C12orf42: variants seen among roughly 807,000 people sequenced by gnomAD.
C12orf42 encodes uncharacterized protein C12orf42.
In C12orf42, 25 loss-of-function variants were observed where a neutral mutation model predicts 21.6. The observed-to-expected ratio is 1.16, with a 90% confidence interval of 0.84 to 1.62. The LOEUF (loss-of-function observed/expected upper bound fraction) is 1.62, where lower values mean the gene tolerates loss of function less well. Ranked by LOEUF, C12orf42 falls within the 40% of genes most tolerant of loss-of-function variation. The pLI is 0.00. For synonymous variants in C12orf42, 174 were observed against 175.0 expected (o/e 0.99, Z 0.05); for missense variants, 483 against 459.3 (o/e 1.05, Z -0.47).
the C12orf42 span, among the ~76,000 whole-genome samples, chr12:103,083,914 T>C: frequency 2.0e-5 from 3 of 152,210 alleles, no homozygotes; most frequent in South Asian, 6.2e-4. Flanking sequence ...ATGAAAAAAC[T>C]GTATCTCCAT....
the C12orf42 span, among the ~76,000 whole-genome samples, chr12:103,060,319 T>C: frequency 2.0e-5 from 3 of 151,972 alleles, no homozygotes; most frequent in African/African-American, 7.3e-5. Flanking sequence ...CTCAAGGAAA[T>C]AAGAGAGGAC....
At chr12:103,050,746 A>T in the C12orf42 span, among the ~76,000 whole-genome samples, 31 of 152,018 alleles carry the variant, frequency 2.0e-4, no homozygotes, top group Admixed American at 1.8e-3. Flanking sequence ...TATGGCAGGG[A>T]TATATATTTT....
At chr12:103,111,850 G>A in the C12orf42 span, among the ~76,000 whole-genome samples, 2 of 152,172 alleles carry the variant, frequency 1.3e-5, no homozygotes, top group Non-Finnish European at 2.9e-5. Context: ...AAAGGAACAT[G>A]AAGAATCAGT....
chr12:103,212,933 G>A, the C12orf42 span, among the ~76,000 whole-genome samples: 14 of 151,062 alleles, frequency 9.3e-5, no homozygotes, highest in South Asian at 2.1e-4. Context: ...ATACACACAC[G>A]CACTACATAT....
chr12:103,328,170 TC>T (rs1712773234), intron 4 of C12orf42, among the ~76,000 whole-genome samples: 1 of 152,134 alleles, frequency 6.6e-6, no homozygotes, highest in South Asian at 2.1e-4. Context: ...AAAATATCCC[TC>T]CTTTTCAATA....
the C12orf42 span, among the ~76,000 whole-genome samples, chr12:103,185,989 T>C: frequency 6.6e-6 from 1 of 152,184 alleles, no homozygotes; most frequent in Non-Finnish European, 1.5e-5. Flanking sequence ...AACCTTCTAT[T>C]TGGCCATCCT....
At chr12:103,215,644 C>T in the C12orf42 span, among the ~76,000 whole-genome samples, 1 of 152,170 alleles carries the variant, frequency 6.6e-6, no homozygotes, top group East Asian at 1.9e-4. Context: ...TGTATAAAGG[C>T]TGGGATTTCA....
the C12orf42 span, among the ~76,000 whole-genome samples, chr12:103,109,583 CATAATATAATTTAT>C: frequency 2.0e-5 from 3 of 148,926 alleles, no homozygotes; most frequent in Non-Finnish European, 4.5e-5. Flanking sequence ...ATTATAATTA[CATAATATAATTTAT>C]ATAATATAAT....
At chr12:103,486,674 C>T (rs1309762405) in intron 1 of C12orf42, among the ~76,000 whole-genome samples, 6 of 152,114 alleles carry the variant, frequency 3.9e-5, no homozygotes, top group African/African-American at 2.4e-5. Flanking sequence ...CAACTTCTTC[C>T]TGGTTTAGTC....
the C12orf42 span, among the ~76,000 whole-genome samples, chr12:103,529,137 T>C: frequency 6.6e-6 from 1 of 152,196 alleles, no homozygotes; most frequent in African/African-American, 2.4e-5. Context: ...TGCCTGAGCA[T>C]GACTTAAAAA....
At chr12:103,107,258 T>G in the C12orf42 span, among the ~76,000 whole-genome samples, 1 of 151,822 alleles carries the variant, frequency 6.6e-6, no homozygotes, top group Non-Finnish European at 1.5e-5. Context: ...CAAAACAAAA[T>G]AAAAACGATT....
chr12:103,471,557 T>C (rs1212368250), intron 2 of C12orf42, among the ~76,000 whole-genome samples: 1 of 152,216 alleles, frequency 6.6e-6, no homozygotes, highest in Non-Finnish European at 1.5e-5. Context: ...ATTAACATAT[T>C]TTGCTGAAGA....
At chr12:103,307,401 TA>T (rs1266221062) in intron 4 of C12orf42, among the ~76,000 whole-genome samples, 1 of 152,204 alleles carries the variant, frequency 6.6e-6, no homozygotes, top group Non-Finnish European at 1.5e-5. Context: ...CAGCAGTTGA[TA>T]TGGGTTTCTT....
chr12:103,492,667 C>A (rs1955256098), intron 1 of C12orf42, among the ~76,000 whole-genome samples: 1 of 152,160 alleles, frequency 6.6e-6, no homozygotes. Flanking sequence ...GAAAATCTTA[C>A]CAGCCCAGCT....
intron 3 of C12orf42, among the ~76,000 whole-genome samples, chr12:103,387,859 G>T (rs567785991): frequency 3.9e-5 from 6 of 152,138 alleles, no homozygotes; most frequent in Non-Finnish European, 1.5e-5. Flanking sequence ...GTCCTGAGAC[G>T]TCCCTCTCAC....
At chr12:103,111,740 G>A in the C12orf42 span, among the ~76,000 whole-genome samples, 1 of 152,246 alleles carries the variant, frequency 6.6e-6, no homozygotes, top group East Asian at 1.9e-4. Flanking sequence ...CCCTTCAGAA[G>A]CACATTTTCA....
chr12:103,287,482 A>G (rs1468744320), intron 4 of C12orf42, among the ~76,000 whole-genome samples: 1 of 151,866 alleles, frequency 6.6e-6, no homozygotes, highest in Admixed American at 6.6e-5. Context: ...GCATGTTCTC[A>G]CTCATAGGTG....
At chr12:103,267,250 T>G (rs2035214310), downstream of C12orf42, among the ~76,000 whole-genome samples, 1 of 152,072 alleles carries the variant, frequency 6.6e-6, no homozygotes, top group African/African-American at 2.4e-5. Context: ...AATTGAGGGA[T>G]CAGCAGCAAT....
At chr12:103,366,570 G>A (rs1252069371) in intron 4 of C12orf42, among the ~76,000 whole-genome samples, 1 of 151,806 alleles carries the variant, frequency 6.6e-6, no homozygotes, top group Non-Finnish European at 1.5e-5. Flanking sequence ...ATACATCTGA[G>A]AAAGGACTAA....
Sources: allele counts gnomAD v4.1 joint callset (sites outside exome capture counted in the v4.1 genomes callset), GRCh38; gene constraint gnomAD v4.1.1; transcripts MANE v1.5; gene names NCBI Gene and HGNC (gene_info 2026-07-23, HGNC 2026-07-21).